Variants in AGPAT3 observed in about 807,000 individuals in gnomAD.
AGPAT3 encodes the protein 1-acyl-sn-glycerol-3-phosphate acyltransferase gamma.
Under a neutral mutation model 47.3 loss-of-function variants are expected in AGPAT3, and 5 were observed. The observed-to-expected ratio is 0.11, with a 90% confidence interval of 0.06 to 0.22. The LOEUF is 0.22. Among genes scored for constraint, AGPAT3 ranks in the 10% least tolerant of loss-of-function variants. The pLI is 1.00. For missense variants in AGPAT3, 315 were observed against 493.0 expected, an observed-to-expected ratio of 0.64 and a Z score of 3.42; for synonymous variants, 212 against 208.3, an observed-to-expected ratio of 1.02 and a Z score of -0.15.
At chr21:43,894,099 C>T (rs892782430) in intron 1 of AGPAT3, among the ~76,000 whole-genome samples, 1 of 152,058 alleles carries the variant, frequency 6.6e-6, no homozygotes, top group Non-Finnish European at 1.5e-5. Flanking sequence ...CGTTCATGCT[C>T]GTGAGTGAGA....
Position 43,920,928 on chromosome 21 carries a change from A to T in AGPAT3, c.-49+16909A>T, listed in dbSNP as rs1166244522. On this transcript the variant is annotated intron_variant, in intron 2 of 9. Transcript: ENST00000291572. The surrounding 1 kb of genome is among the most constrained non-coding windows in gnomAD (Gnocchi z 6.1). Reference sequence around the variant, plus strand: ...ATCACGAGGTCAGGAGATCAAGACCACGGTGAAACCCCATATCTACTAAAA... The same window carrying T: ...ATCACGAGGTCAGGAGATCAAGACCTCGGTGAAACCCCATATCTACTAAAA... 6.6e-6 allele frequency among the ~76,000 whole-genome samples: 1 copy of T among 152,204 alleles called. No homozygotes were observed. The highest frequency in any genetic ancestry group is 2.1e-4 in the South Asian group (1 of 4,832).
Position 43,970,801 on chromosome 21 carries a change from G to T in AGPAT3, c.659G>T (p.Gly220Val), listed in dbSNP as rs756502427. ...GFTTAVKCLRGTVAAVYDVTL... is the reference protein window; with the variant it reads ...GFTTAVKCLRVTVAAVYDVTL... The stretch of plus-strand genomic sequence containing the variant: ...ACCACCGCAGTCAAGTGCCTCCGGG[G>T]GACAGGTAGGCCCCAGACTGCCCGA... Residue 220 changes from glycine to valine, a missense_variant, in exon 6 of 10, where the codon GGG becomes GTG. By Grantham distance (109) the Gly-to-Val change is moderately radical (BLOSUM62 -3). Transcript: ENST00000291572. The surrounding 1 kb of genome is among the most constrained non-coding windows in gnomAD (Gnocchi z 5.8). 3.2e-6 allele frequency: 5 copies of T among 1,577,908 alleles called. No individual in the cohort carries two copies. In the Admixed American group the frequency reaches 6.9e-5, roughly 22 times the overall value.
In AGPAT3 at chr21:43,876,649, C is replaced by T. The variant is rs151062361; in HGVS notation, c.-112+11304C>T. ...CTACATAAATCCTGATGAGTGAAACCGTAATGAACAGTAGAAGGAATGTCA... is the reference window on the plus strand; with the variant it reads ...CTACATAAATCCTGATGAGTGAAACTGTAATGAACAGTAGAAGGAATGTCA... On this transcript the variant is annotated intron_variant, in intron 1 of 9. Transcript: ENST00000291572. 9.9e-4 allele frequency among the ~76,000 whole-genome samples: 151 copies of T among 152,180 alleles called. 1 individual carries two copies. The Middle Eastern group carries it at 0.01, about 10-fold the overall frequency.
intron 2 of AGPAT3, among the ~76,000 whole-genome samples, chr21:43,946,170 G>A (rs529578331): frequency 1.3e-5 from 2 of 152,338 alleles, no homozygotes; most frequent in East Asian, 3.9e-4. Flanking sequence ...GGTCTCTGAT[G>A]GGATGAAGCA....
intron 1 of AGPAT3, among the ~76,000 whole-genome samples, chr21:43,893,141 T>C (rs1187158245): frequency 2.6e-5 from 4 of 152,218 alleles, no homozygotes; most frequent in African/African-American, 9.6e-5. Flanking sequence ...CCTTCATCAG[T>C]GATCTTAGCT....
intron 2 of AGPAT3, among the ~76,000 whole-genome samples, chr21:43,949,934 G>T (rs1285916863): frequency 6.6e-6 from 1 of 152,156 alleles, no homozygotes; most frequent in Non-Finnish European, 1.5e-5. Flanking sequence ...CACTTGCGCT[G>T]GGCTGCAAAC....
At position 43,956,615 on chromosome 21, in the gene AGPAT3, C is replaced by G. The variant is rs1480675030; in HGVS notation, c.-48-3019C>G. Among the ~76,000 whole-genome samples the G allele has an allele frequency of 3.3e-5, 5 of 152,342 alleles. No homozygotes were observed. The East Asian group carries it at 9.6e-4, about 29-fold the overall frequency. On this transcript the variant is annotated intron_variant, in intron 2 of 9. Coordinates refer to ENST00000291572, the MANE Select transcript of AGPAT3 (RefSeq NM_020132.5). The stretch of plus-strand genomic sequence containing the variant: ...CAGCCCACAGTGTGGGGGCATCAAA[C>G]AGTACAACTCCTTAACCCCACAGTG...
At chr21:43,972,794 C>G (rs1799021449) in intron 7 of AGPAT3, among the ~76,000 whole-genome samples, 2 of 152,192 alleles carry the variant, frequency 1.3e-5, no homozygotes, top group Admixed American at 1.3e-4. Flanking sequence ...CTTTGAGGCA[C>G]GAAGAAACCG....
At chr21:43,971,633 G>T (rs2089401576) in intron 7 of AGPAT3, 143 bp downstream of exon 7, 1 of 729,216 alleles carries the variant, frequency 1.4e-6, no homozygotes, top group Admixed American at 2.5e-5. Flanking sequence ...CCTGTCTGCA[G>T]CCCTGCCCTG....
chr21:43,957,922 G>T (rs2088571855), intron 2 of AGPAT3, among the ~76,000 whole-genome samples: 1 of 152,214 alleles, frequency 6.6e-6, no homozygotes, highest in South Asian at 2.1e-4. Flanking sequence ...TGTGAGACGT[G>T]CGTAGAAGGA....
chr21:43,974,364 GGTGT>G (rs1173374757), intron 7 of AGPAT3, among the ~76,000 whole-genome samples: 1 of 151,466 alleles, frequency 6.6e-6, no homozygotes, highest in African/African-American at 2.4e-5. Flanking sequence ...ATATGTGTAT[GGTGT>G]GTGTGATGTG....
chr21:43,985,324 C>G lies in AGPAT3; in HGVS notation c.*2932C>G. ...GGTCCCTGTCCTCAGGAAGCGCAGT[C>G]TGGTGGAAGAGATGAGCGCTGAACA... On this transcript the variant is annotated 3_prime_UTR_variant, in exon 10 of 10. Coordinates refer to ENST00000291572, the MANE Select transcript of AGPAT3 (RefSeq NM_020132.5). 2.4e-6 allele frequency: 1 copy of G among 411,524 alleles called. No individual in the cohort carries two copies. Among genetic ancestry groups the G allele is most frequent in the Non-Finnish European group, 4.9e-6 (1 of 203,262 alleles). 25.5% of individuals were successfully genotyped at this position (411,524 alleles called of 1,614,324 possible).
At chr21:43,904,577 C>G (rs746770297) in intron 2 of AGPAT3, among the ~76,000 whole-genome samples, 2 of 152,136 alleles carry the variant, frequency 1.3e-5, no homozygotes, top group African/African-American at 4.8e-5. Context: ...CTGGGGGACG[C>G]GCTCCTCAGG....
At chr21:43,973,182 G>A (rs1374242326) in intron 7 of AGPAT3, among the ~76,000 whole-genome samples, 1 of 152,240 alleles carries the variant, frequency 6.6e-6, no homozygotes, top group Non-Finnish European at 1.5e-5. Context: ...TTCTTCTCCC[G>A]ACCCGGGGTC....
chr21:43,942,549 C>T (rs2087695927), intron 2 of AGPAT3, among the ~76,000 whole-genome samples: 1 of 152,254 alleles, frequency 6.6e-6, no homozygotes, highest in South Asian at 2.1e-4. Context: ...GTATGTGACT[C>T]TCTGAGCGTG....
chr21:43,869,376 A>G (rs139471537), intron 1 of AGPAT3, among the ~76,000 whole-genome samples: 4 of 152,366 alleles, frequency 2.6e-5, no homozygotes, highest in Non-Finnish European at 5.9e-5. Context: ...AGGGAGCTAC[A>G]CATAATTTTT....
At chr21:43,905,809 C>T (rs2086479533) in intron 2 of AGPAT3, among the ~76,000 whole-genome samples, 1 of 152,218 alleles carries the variant, frequency 6.6e-6, no homozygotes, top group African/African-American at 2.4e-5. Flanking sequence ...TTGGACTGTA[C>T]TCAGGGCTGA....
intron 1 of AGPAT3, chr21:43,867,673 T>C (rs1011576559): frequency 6.6e-6 from 1 of 152,278 alleles, no homozygotes; most frequent in African/African-American, 2.4e-5. Context: ...GTCCCTGTTA[T>C]AAGGTATCGC....
intron 1 of AGPAT3, among the ~76,000 whole-genome samples, chr21:43,896,540 T>A (rs1248418134): frequency 6.6e-6 from 1 of 152,290 alleles, no homozygotes; most frequent in Non-Finnish European, 1.5e-5. Flanking sequence ...TACCTGCTTT[T>A]ATAAAGTTTT....
Sources: gnomAD v4.1 joint callset for allele counts (sites outside exome capture counted in the v4.1 genomes callset) on GRCh38, gnomAD v4.1.1 for gene constraint, Gnocchi (gnomAD v3.1) non-coding constraint, MANE v1.5 for transcripts, NCBI Gene and HGNC (gene_info 2026-07-23, HGNC 2026-07-21) for gene names.